Variants in UIMC1 observed in about 807,000 individuals in gnomAD.
UIMC1 encodes the protein ubiquitin interaction motif containing 1.
In UIMC1, 42 loss-of-function variants were observed where a neutral mutation model predicts 84.9. The ratio of observed to expected loss-of-function variants is 0.49; its 90% confidence interval spans 0.39 to 0.64. The LOEUF (loss-of-function observed/expected upper bound fraction) is 0.64. UIMC1 is among the 30% of genes least tolerant of loss of function. The probability of loss-of-function intolerance (pLI) is 0.00; values close to 1 mark genes in which losing one functional copy is unlikely to be tolerated. For missense variants in UIMC1, 825 were observed against 847.6 expected (o/e 0.97, Z 0.33); for synonymous variants, 281 against 293.0 (o/e 0.96, Z 0.42).
At chr5:176,951,613 C>A in intron 8 of UIMC1, 36 bp from the exon 9 acceptor site, 1 of 1,476,118 alleles carries the variant, frequency 6.8e-7, no homozygotes, top group South Asian at 1.3e-5. Context: ...CATTAATTTT[C>A]ATTTTGTGTT....
At chr5:176,934,498 G>A (rs1763488794) in intron 10 of UIMC1, among the ~76,000 whole-genome samples, 1 of 152,168 alleles carries the variant, frequency 6.6e-6, no homozygotes, top group African/African-American at 2.4e-5. Flanking sequence ...GTTTATGACT[G>A]TAGCACCAAA....
chr5:176,968,893 C>G lies in UIMC1; in HGVS notation c.862G>C (p.Asp288His). 2.5e-6 allele frequency: 4 copies of G among 1,614,056 alleles called. No homozygotes were observed. The highest frequency in any genetic ancestry group is 3.4e-6 in the Non-Finnish European group (4 of 1,179,940). ...WGIPFCPDGV[D>H]PNQYTKVILC... is the part of the protein sequence containing the mutation. ...ATGACCTTGGTATACTGGTTAGGGT[C>G]TACTCCATCAGGGCAGAATGGAATA... Residue 288 changes from aspartate to histidine, a missense_variant, in exon 6 of 15, where the codon GAC (aspartate) becomes CAC (histidine). Physicochemically the swap from Asp to His is moderately conservative, Grantham distance 81. Coordinates refer to ENST00000511320, the MANE Select transcript of UIMC1 (RefSeq NM_001199298.2).
intron 8 of UIMC1, among the ~76,000 whole-genome samples, chr5:176,953,520 A>ACACC (rs1345064822): frequency 6.6e-6 from 1 of 151,910 alleles, no homozygotes; most frequent in Non-Finnish European, 1.5e-5. Context: ...ACACACACAC[A>ACACC]CACACACACA....
rs751981601 is a variant in UIMC1, at chr5:176,975,364, C to T, written c.232+32G>A. 20 of 1,606,476 alleles carry T rather than the reference C, an allele frequency of 1.2e-5. No homozygotes were observed. In the African/African-American group the frequency reaches 2.7e-4, roughly 22 times the overall value. On this transcript the variant is annotated intron_variant, in intron 3 of 14. Transcript: ENST00000511320. ...TATCAGTTCTATGACTATTACAATT[C>T]CCAAACCATTATCAACAAAATGAAA...
chr5:177,018,506 C>T (rs1775721925), intron 1 of UIMC1, among the ~76,000 whole-genome samples: 1 of 152,238 alleles, frequency 6.6e-6, no homozygotes, highest in South Asian at 2.1e-4. Flanking sequence ...AGCCAGTTCC[C>T]GTCCCTTAGC....
intron 1 of UIMC1, among the ~76,000 whole-genome samples, chr5:177,004,434 C>A (rs1774986677): frequency 6.6e-6 from 1 of 152,096 alleles, no homozygotes; most frequent in South Asian, 2.1e-4. Context: ...GTATACAGTT[C>A]AACTACTATT....
chr5:176,942,036 G>T (rs142490551), intron 10 of UIMC1, among the ~76,000 whole-genome samples: 2 of 152,148 alleles, frequency 1.3e-5, no homozygotes, highest in South Asian at 4.2e-4. Context: ...GTAGAGACAG[G>T]GTTTCACCAC....
Position 176,951,459 on chromosome 5 carries a change from G to C in UIMC1, c.1443+15C>G, listed in dbSNP as rs771243388. The stretch of plus-strand genomic sequence containing the variant: ...AAAGAAACCACTGAGAAAAAATATA[G>C]AGGAAAATATTCACCTCCTTATCTG... On this transcript the variant is annotated intron_variant, in intron 9 of 14. Transcript: ENST00000511320. 4 of 1,487,970 alleles carry C rather than the reference G, an allele frequency of 2.7e-6. No individual in the cohort carries two copies. The highest frequency in any genetic ancestry group is 3.6e-6 in the Non-Finnish European group (4 of 1,117,384). 92.2% of individuals were successfully genotyped at this position (1,487,970 alleles called of 1,614,324 possible).
At chr5:176,968,465 G>C (rs1018880888) in intron 6 of UIMC1, 90 bp downstream of exon 6, 7 of 1,487,620 alleles carry the variant, frequency 4.7e-6, no homozygotes, top group Middle Eastern at 4.4e-4. Context: ...AATAATCAAG[G>C]AGGGGAAGAC....
At chr5:176,946,622 G>A (rs956497438) in intron 9 of UIMC1, among the ~76,000 whole-genome samples, 3 of 152,164 alleles carry the variant, frequency 2.0e-5, no homozygotes, top group Admixed American at 1.3e-4. Context: ...ATCACTTGAG[G>A]TCAAGAGTTT....
chr5:176,948,441 C>T (rs1270803899), intron 9 of UIMC1, among the ~76,000 whole-genome samples: 2 of 152,174 alleles, frequency 1.3e-5, no homozygotes, highest in African/African-American at 4.8e-5. Context: ...CACCTGCAAA[C>T]CAACAGAGTA....
At chr5:177,021,523 A>G (rs946601183) in intron 1 of UIMC1, among the ~76,000 whole-genome samples, 15 of 152,154 alleles carry the variant, frequency 9.9e-5, no homozygotes, top group South Asian at 2.1e-4. Context: ...GATATATGAG[A>G]GAAATTCACC....
intron 10 of UIMC1, among the ~76,000 whole-genome samples, chr5:176,931,579 A>G (rs1763090345): frequency 6.6e-6 from 1 of 152,258 alleles, no homozygotes; most frequent in South Asian, 2.1e-4. Context: ...GCAGACGTAC[A>G]CTGCAGTCAG....
In UIMC1 at chr5:176,969,174, AC is replaced by A; in HGVS notation, c.580del (p.Val194SerfsTer19). 1 of 1,614,188 alleles carries A rather than the reference AC, an allele frequency of 6.2e-7. No homozygotes were observed. Among genetic ancestry groups the A allele is most frequent in the Non-Finnish European group, 8.5e-7 (1 of 1,180,022 alleles). On this transcript the variant is annotated frameshift_variant, in exon 6 of 15. Transcript: ENST00000511320. LOFTEE classifies it high-confidence loss of function. The stretch of plus-strand genomic sequence containing the variant: ...GTCCCAGCTTCCTGAGCTGCCAGAG[AC>A]CGGCTCCTCTTCAGTTTTTTCAGTG... ...DHTEKTEEEP[V>X]SGSSGSWDQS...
intron 6 of UIMC1, among the ~76,000 whole-genome samples, chr5:176,961,991 G>T (rs1406527057): frequency 2.8e-5 from 2 of 71,490 alleles, no homozygotes; most frequent in Non-Finnish European, 2.8e-5. Context: ...GGAGGGAGGT[G>T]GGGGGGTCAG....
chr5:176,971,685 G>C (rs1233713183), intron 3 of UIMC1, among the ~76,000 whole-genome samples: 1 of 152,046 alleles, frequency 6.6e-6, no homozygotes, highest in Non-Finnish European at 1.5e-5. Flanking sequence ...AAGGTGGGAG[G>C]ATCATGTGAG....
intron 3 of UIMC1, among the ~76,000 whole-genome samples, chr5:176,974,384 C>G (rs1339639145): frequency 6.6e-6 from 1 of 151,952 alleles, no homozygotes; most frequent in East Asian, 1.9e-4. Context: ...GCACCATATA[C>G]AAAAACTCAA....
upstream of UIMC1, among the ~76,000 whole-genome samples, chr5:177,010,880 T>C (rs1775533846): frequency 6.6e-6 from 1 of 152,042 alleles, no homozygotes; most frequent in Non-Finnish European, 1.5e-5. Context: ...ATATCTGTAA[T>C]GCTCTGATTT....
intron 1 of UIMC1, among the ~76,000 whole-genome samples, chr5:176,987,037 T>A (rs1334187138): frequency 2.6e-5 from 4 of 151,980 alleles, no homozygotes; most frequent in African/African-American, 9.7e-5. Context: ...CTGGCCAATA[T>A]GGTGAAACCC....
Sources: gnomAD v4.1 joint callset for allele counts (sites outside exome capture counted in the v4.1 genomes callset) on GRCh38, gnomAD v4.1.1 for gene constraint, MANE v1.5 for transcripts, NCBI Gene and HGNC (gene_info 2026-07-23, HGNC 2026-07-21) for gene names.